The following SH2D5 variants were observed in gnomAD, a reference collection of about 807,000 sequenced individuals.
SH2D5 encodes SH2 domain containing 5.
In SH2D5, 45 loss-of-function variants were observed where a neutral mutation model predicts 48.2. That is an observed-to-expected ratio of 0.93 (90% CI 0.73 to 1.20). SH2D5 has a LOEUF of 1.20. Among genes scored for constraint, SH2D5 ranks in the 50% most tolerant of loss-of-function variants. SH2D5 has a pLI of 0.00. For missense variants in SH2D5, 538 were observed against 584.1 expected (o/e 0.92, Z 0.81); for synonymous variants, 230 against 249.8 (o/e 0.92, Z 0.75).
rs893013525 is a variant in SH2D5, at chr1:20,721,615, T to C, written c.*177A>G. 5.3e-6 allele frequency: 3 copies of C among 563,194 alleles called. No individual in the cohort carries two copies. Among genetic ancestry groups the C allele is most frequent in the Non-Finnish European group, 6.0e-6 (2 of 332,206 alleles). 34.9% of individuals were successfully genotyped at this position (563,194 alleles called of 1,614,324 possible). On this transcript the variant is annotated 3_prime_UTR_variant, in exon 10 of 10. Transcript: ENST00000444387. ...AGGCCACATGTTCTCCAAGAAGCCA[T>C]TGGCGATACCCACCCTCAGGGCTCC...
chr1:20,728,291 G>A lies in SH2D5; in HGVS notation c.-42-205C>T, dbSNP rs1457200060. ...GGGAGCTTACTTACATTGTTGCTGG[G>A]GAGAAAGACATTGAACTAAATAGTA... On this transcript the variant is annotated intron_variant, in intron 1 of 9. Transcript: ENST00000444387. This position sits in a 1 kb window ranked among gnomAD's most constrained non-coding sequence, Gnocchi z 4.3. 6.6e-6 allele frequency among the ~76,000 whole-genome samples: 1 copy of A among 152,210 alleles called. No homozygotes were observed. Among genetic ancestry groups the A allele is most frequent in the African/African-American group, 2.4e-5 (1 of 41,454 alleles).
Position 20,721,555 on chromosome 1 carries a change from G to A in SH2D5, c.*237C>T. 1 of 472,180 alleles carries A rather than the reference G, an allele frequency of 2.1e-6. No individual in the cohort carries two copies. Among genetic ancestry groups the A allele is most frequent in the Non-Finnish European group, 3.7e-6 (1 of 268,922 alleles). The allele number at this position is 472,180 out of a possible 1,614,324, so 29.2% of individuals were successfully genotyped here. A position where few individuals can be genotyped will look rare whatever the true frequency, so the allele number is the denominator to read the frequency against. ...GAAGCCACCCAAAGGGTTATCCGAA[G>A]CCTGCAACTCCACCTGCCCTCCTGG... On this transcript the variant is annotated 3_prime_UTR_variant, in exon 10 of 10. Coordinates refer to ENST00000444387, the MANE Select transcript of SH2D5 (RefSeq NM_001103161.2).
At position 20,720,568 on chromosome 1, in the gene SH2D5, AAGTTCATGC is replaced by A. The variant is rs756164133; in HGVS notation, c.*1215_*1223del. 1 of 152,240 alleles carries A rather than the reference AAGTTCATGC, an allele frequency of 6.6e-6. No homozygotes were observed. Among genetic ancestry groups the A allele is most frequent in the Non-Finnish European group, 1.5e-5 (1 of 68,054 alleles). 9.4% of individuals were successfully genotyped at this position (152,240 alleles called of 1,614,324 possible). A position where few individuals can be genotyped will look rare whatever the true frequency, so the allele number is the denominator to read the frequency against. Reference sequence around the variant, plus strand: ...GACGTGGCTTCTGCTTCAATAAGAGAAGTTCATGCAAAATGAACTTGTTCTATAACAGAG... The same window carrying A: ...GACGTGGCTTCTGCTTCAATAAGAGAAAAATGAACTTGTTCTATAACAGAG... On this transcript the variant is annotated 3_prime_UTR_variant, in exon 10 of 10. Transcript: ENST00000444387.
In SH2D5 at chr1:20,722,979, C is replaced by T; in HGVS notation, c.909-64G>A. The T allele has an allele frequency of 3.6e-6, 5 of 1,393,322 alleles. No homozygotes were observed. The South Asian group carries it at 8.2e-5, about 23-fold the overall frequency. 86.3% of individuals were successfully genotyped at this position (1,393,322 alleles called of 1,614,324 possible). A position where few individuals can be genotyped will look rare whatever the true frequency, so the allele number is the denominator to read the frequency against. The stretch of plus-strand genomic sequence containing the variant: ...TCTCCTGGGCAATGGTCATGAGGAC[C>T]CCAGCAGCATCGAGGCAGCCTGCGG... On this transcript the variant is annotated intron_variant, in intron 8 of 9. Transcript: ENST00000444387.
rs2054845942 is a variant in SH2D5 at position 20,728,353 on chromosome 1, G to C, written c.-42-267C>G. Among the ~76,000 whole-genome samples the C allele has an allele frequency of 6.6e-6, 1 of 152,208 alleles. No individual in the cohort carries two copies. The highest frequency in any genetic ancestry group is 1.5e-5 in the Non-Finnish European group (1 of 68,038). On this transcript the variant is annotated intron_variant, in intron 1 of 9. Coordinates refer to ENST00000444387, the MANE Select transcript of SH2D5 (RefSeq NM_001103161.2). This position sits in a 1 kb window ranked among gnomAD's most constrained non-coding sequence, Gnocchi z 4.3. ...ACGTGAGATGGGGATGGAGCAGGGA[G>C]GAGAATGGGAAACGTCAGCTTAAGG... is the stretch of plus-strand genomic sequence containing the variant.
intron 5 of SH2D5, among the ~76,000 whole-genome samples, chr1:20,725,223 G>A (rs1286970879): frequency 6.6e-6 from 1 of 152,246 alleles, no homozygotes; most frequent in African/African-American, 2.4e-5. Flanking sequence ...AGTTAGAACC[G>A]TGAGCGTCAG....
rs1276247107 is a variant in SH2D5 at position 20,728,681 on chromosome 1, C to T, written c.-42-595G>A. 3.9e-5 allele frequency among the ~76,000 whole-genome samples: 6 copies of T among 152,238 alleles called. No individual in the cohort carries two copies. Among genetic ancestry groups the T allele is most frequent in the African/African-American group, 1.2e-4 (5 of 41,462 alleles). On this transcript the variant is annotated intron_variant, in intron 1 of 9. Transcript: ENST00000444387. This position sits in a 1 kb window ranked among gnomAD's most constrained non-coding sequence, Gnocchi z 4.3. ...AGGCAGTGGGGGCCCGCAGGCCGAC[C>T]TCAGCCCTTATCAGAAGGGCAGGCT...
rs995617516 is a variant in SH2D5, at chr1:20,721,782, G to A, written c.*10C>T. On this transcript the variant is annotated 3_prime_UTR_variant, in exon 10 of 10. Transcript: ENST00000444387. ...GTGAGGCGGGGCCTGTGGGACCGGG[G>A]CCCTACCTCTTAGCCCAGGCCCTGC... 6.5e-7 allele frequency: 1 copy of A among 1,529,620 alleles called. No individual in the cohort carries two copies. The highest frequency in any genetic ancestry group is 1.4e-5 in the African/African-American group (1 of 73,246). The allele number at this position is 1,529,620 out of a possible 1,614,324, so 94.8% of individuals were successfully genotyped here.
intron 9 of SH2D5, 61 bp from the exon 10 acceptor site, chr1:20,722,056 C>G: frequency 6.8e-7 from 1 of 1,476,740 alleles, no homozygotes; most frequent in Non-Finnish European, 9.3e-7. Flanking sequence ...CAGGCACCAG[C>G]CACCCGCTCC....
intron 8 of SH2D5, among the ~76,000 whole-genome samples, chr1:20,723,118 C>G (rs2054722028): frequency 6.6e-6 from 1 of 152,202 alleles, no homozygotes. Flanking sequence ...GAGTTTGAGG[C>G]TGCAGTGAGC....
At chr1:20,731,746 AAG>A (rs1449629809) in intron 1 of SH2D5, among the ~76,000 whole-genome samples, 63 of 152,026 alleles carry the variant, frequency 4.1e-4, no homozygotes, top group Admixed American at 3.2e-3. Context: ...CGGGGGTGCG[AAG>A]CGCTCCAGAG....
chr1:20,729,066 C>G lies in SH2D5; in HGVS notation c.-42-980G>C, dbSNP rs1204647376. Among the ~76,000 whole-genome samples, 1 of 152,222 alleles carries G rather than the reference C, an allele frequency of 6.6e-6. No individual in the cohort carries two copies. The highest frequency in any genetic ancestry group is 1.5e-5 in the Non-Finnish European group (1 of 68,046). The stretch of plus-strand genomic sequence containing the variant: ...AGCCAGGTTCTGGTCTTTCCTGGGA[C>G]CCCTCTCCCACATCCAGTCGTGGAA... On this transcript the variant is annotated intron_variant, in intron 1 of 9. Coordinates refer to ENST00000444387, the MANE Select transcript of SH2D5 (RefSeq NM_001103161.2). This position sits in a 1 kb window ranked among gnomAD's most constrained non-coding sequence, Gnocchi z 4.2.
intron 1 of SH2D5, chr1:20,731,196 G>C (rs1331856408): frequency 6.5e-6 from 1 of 152,676 alleles, no homozygotes; most frequent in African/African-American, 2.4e-5. Flanking sequence ...GAAGCCGCTG[G>C]CTGGCGAACT....
At chr1:20,731,768 G>C (rs1180052542) in intron 1 of SH2D5, among the ~76,000 whole-genome samples, 1 of 152,094 alleles carries the variant, frequency 6.6e-6, no homozygotes, top group Non-Finnish European at 1.5e-5. Flanking sequence ...GTGGGCTGCC[G>C]GTCCCGCTGC....
At chr1:20,724,373 T>TA (rs768973784) in intron 6 of SH2D5, 23 bp downstream of exon 6, 2 of 1,610,322 alleles carry the variant, frequency 1.2e-6, no homozygotes, top group South Asian at 2.2e-5. Flanking sequence ...CACTGCCCAC[T>TA]CCTTGGCTGG....
Position 20,721,945 on chromosome 1 carries a change from C to T in SH2D5, c.1119G>A (p.Ala373=), listed in dbSNP as rs376493491. The T allele has an allele frequency of 2.0e-5, 32 of 1,613,002 alleles. No individual in the cohort carries two copies. The highest frequency in any genetic ancestry group is 3.3e-4 in the Middle Eastern group (2 of 6,084). ...PSLEALVENH[A]VTERSLFCPL... ...GACAGAAGAGGCTACGTTCAGTAAC[C>T]GCGTGGTTCTCCACCAGAGCCTCCA... The change falls in exon 10 of 10, where the codon GCG becomes GCA. Residue 373 remains alanine (A), a synonymous_variant. Coordinates refer to ENST00000444387, the MANE Select transcript of SH2D5 (RefSeq NM_001103161.2).
Position 20,722,842 on chromosome 1 carries a change from C to G in SH2D5, c.982G>C (p.Gly328Arg). 1 of 1,604,326 alleles carries G rather than the reference C, an allele frequency of 6.2e-7. No homozygotes were observed. Among genetic ancestry groups the G allele is most frequent in the Admixed American group, 1.7e-5 (1 of 58,942 alleles). Residue 328 changes from glycine (G) to arginine (R), a missense_variant, in exon 9 of 10, where the codon GGC (glycine) becomes CGC (arginine). Transcript: ENST00000444387. Reference protein sequence around the residue: ...FLLWPELGASGQWCLSVRTQC... With the variant: ...FLLWPELGASRQWCLSVRTQC... Reference sequence around the variant, plus strand: ...GTGCGCACGGACAGACACCACTGGCCGCTAGCACCCAGCTCAGGCCACAGC... The same window carrying G: ...GTGCGCACGGACAGACACCACTGGCGGCTAGCACCCAGCTCAGGCCACAGC...
chr1:20,725,422 G>A (rs1171506681), intron 5 of SH2D5, among the ~76,000 whole-genome samples: 1 of 152,162 alleles, frequency 6.6e-6, no homozygotes, highest in Non-Finnish European at 1.5e-5. Context: ...CGCCCACCCC[G>A]ACCGCTCTGG....
At chr1:20,725,886 T>G (rs377215500) in intron 5 of SH2D5, 34 bp downstream of exon 5, 179 of 1,608,834 alleles carry the variant, frequency 1.1e-4, no homozygotes, top group Non-Finnish European at 1.4e-4. Flanking sequence ...CCCTCCGGCC[T>G]CCGTGGCGGT....
Sources: allele counts gnomAD v4.1 joint callset (sites outside exome capture counted in the v4.1 genomes callset), GRCh38; gene constraint gnomAD v4.1.1; non-coding constraint Gnocchi (gnomAD v3.1); transcripts MANE v1.5; gene names NCBI Gene and HGNC (gene_info 2026-07-23, HGNC 2026-07-21).